CLYBL: variants seen among roughly 807,000 people sequenced by gnomAD.
CLYBL encodes the protein citramalyl-CoA lyase, mitochondrial.
A neutral mutation model predicts 38.9 loss-of-function variants in CLYBL; 31 were observed. That is an observed-to-expected ratio of 0.80 (90% CI 0.60 to 1.08). The LOEUF (loss-of-function observed/expected upper bound fraction) is 1.08. Among genes scored for constraint, CLYBL ranks in the 50% least tolerant of loss-of-function variants. The pLI is 0.00. For missense variants in CLYBL, 434 were observed against 411.6 expected, an observed-to-expected ratio of 1.05 and a Z score of -0.47; for synonymous variants, 171 against 158.6, an observed-to-expected ratio of 1.08 and a Z score of -0.59.
chr13:99,769,257 A>G (rs1304221254), intron 1 of CLYBL, among the ~76,000 whole-genome samples: 2 of 152,220 alleles, frequency 1.3e-5, no homozygotes, highest in Non-Finnish European at 2.9e-5. Flanking sequence ...GAAGTTGACC[A>G]AAATTAACTA....
chr13:99,610,920 C>T (rs1054389797), intron 1 of CLYBL, among the ~76,000 whole-genome samples: 1 of 152,154 alleles, frequency 6.6e-6, no homozygotes. Flanking sequence ...AAATGCCCTC[C>T]GGGAAAATAC....
intron 1 of CLYBL, among the ~76,000 whole-genome samples, chr13:99,661,452 G>T (rs1435655588): frequency 6.6e-6 from 1 of 152,106 alleles, no homozygotes; most frequent in Non-Finnish European, 1.5e-5. Flanking sequence ...ATTAACTGTT[G>T]TTATTCTGTC....
chr13:99,823,153 A>G lies in CLYBL; in HGVS notation c.250-35708A>G, dbSNP rs541418887. Among the ~76,000 whole-genome samples the G allele has an allele frequency of 8.9e-4, 136 of 152,316 alleles. 2 individuals carry two copies. The South Asian group carries it at 0.027, about 30-fold the overall frequency. ...CTTGAATTTATTTATTTCTTTAAAA[A>G]TGTTTCATTACTCAGGACTGTAGTT... On this transcript the variant is annotated intron_variant, in intron 2 of 8. Coordinates refer to ENST00000339105, the MANE Select transcript of CLYBL (RefSeq NM_206808.5).
At chr13:99,858,797 A>G (rs1211659664) in intron 2 of CLYBL, 64 bp from the exon 3 acceptor site, 4 of 1,158,906 alleles carry the variant, frequency 3.5e-6, no homozygotes, top group Non-Finnish European at 3.7e-6. Flanking sequence ...AGTTTCATCA[A>G]CCATTTGATG....
At chr13:99,828,778 C>T (rs2050747460) in intron 2 of CLYBL, among the ~76,000 whole-genome samples, 1 of 152,162 alleles carries the variant, frequency 6.6e-6, no homozygotes, top group South Asian at 2.1e-4. Context: ...CTTTTCATGT[C>T]ATCTTTTTTT....
intron 2 of CLYBL, among the ~76,000 whole-genome samples, chr13:99,799,363 T>C (rs2138930695): frequency 8.7e-6 from 1 of 115,320 alleles, no homozygotes; most frequent in South Asian, 2.8e-4. Flanking sequence ...GTATATTGCA[T>C]GATATACACA....
downstream of CLYBL, chr13:99,893,181 T>C (rs1482015955): frequency 6.6e-6 from 1 of 152,286 alleles, no homozygotes; most frequent in Non-Finnish European, 1.5e-5. Context: ...CCATCCTCAC[T>C]CAGAGGCCGG....
chr13:99,863,567 A>G (rs2051663880), intron 4 of CLYBL, among the ~76,000 whole-genome samples: 2 of 152,242 alleles, frequency 1.3e-5, no homozygotes, highest in Non-Finnish European at 1.5e-5. Flanking sequence ...GCACACAAAT[A>G]ATTTGCAGTA....
intron 1 of CLYBL, among the ~76,000 whole-genome samples, chr13:99,763,647 C>T (rs574214510): frequency 4.0e-5 from 6 of 151,320 alleles, no homozygotes; most frequent in African/African-American, 7.3e-5. Context: ...CTCCGCCTCC[C>T]GAGTTCAAGC....
chr13:99,803,178 G>C (rs1263784435), intron 2 of CLYBL, among the ~76,000 whole-genome samples: 1 of 152,238 alleles, frequency 6.6e-6, no homozygotes, highest in African/African-American at 2.4e-5. Context: ...CAGATGTGGA[G>C]TGGCCGGCTG....
At chr13:99,812,487 A>G (rs1309972213) in intron 2 of CLYBL, among the ~76,000 whole-genome samples, 1 of 152,242 alleles carries the variant, frequency 6.6e-6, no homozygotes, top group Non-Finnish European at 1.5e-5. Flanking sequence ...CTGGGCCAGT[A>G]TTAAATGCCC....
At chr13:99,681,176 A>G (rs2047729463) in intron 1 of CLYBL, among the ~76,000 whole-genome samples, 1 of 152,206 alleles carries the variant, frequency 6.6e-6, no homozygotes. Context: ...CGGAAAAATA[A>G]ATGGAGATAA....
intron 6 of CLYBL, among the ~76,000 whole-genome samples, chr13:99,868,319 G>C (rs1026752964): frequency 6.6e-6 from 1 of 152,080 alleles, no homozygotes; most frequent in Non-Finnish European, 1.5e-5. Flanking sequence ...TTTTTAATGA[G>C]TACTTTAGAC....
chr13:99,728,640 A>G (rs1413412252), intron 1 of CLYBL, among the ~76,000 whole-genome samples: 1 of 151,884 alleles, frequency 6.6e-6, no homozygotes, highest in Non-Finnish European at 1.5e-5. Context: ...CAGTGGTGCA[A>G]TCACGCCTCA....
At position 99,785,191 on chromosome 13, in the gene CLYBL, C is replaced by CTTTTTT. The variant is rs58550861; in HGVS notation, c.249+12210_249+12215dup. ...TACAGACTTGAGCCACCCCGCCTGG[C>CTTTTTT]TTTTTTTTTTTTTTTTTTTTTTTTT... On this transcript the variant is annotated intron_variant, in intron 2 of 8. Transcript: ENST00000339105. Among the ~76,000 whole-genome samples the CTTTTTT allele has an allele frequency of 1.5e-4, 5 of 34,206 alleles. 1 individual carries two copies. Among genetic ancestry groups the CTTTTTT allele is most frequent in the Non-Finnish European group, 2.3e-4 (5 of 21,592 alleles). 22.4% of individuals were successfully genotyped at this position (34,206 alleles called of 152,430 possible).
At chr13:99,797,489 C>G (rs1024740416) in intron 2 of CLYBL, among the ~76,000 whole-genome samples, 6 of 150,384 alleles carry the variant, frequency 4.0e-5, no homozygotes, top group Admixed American at 3.3e-4. Context: ...GTTGTTTGAT[C>G]TTATTCAAAT....
intron 2 of CLYBL, among the ~76,000 whole-genome samples, chr13:99,777,998 G>A (rs541042204): frequency 1.2e-4 from 19 of 152,194 alleles, no homozygotes; most frequent in East Asian, 5.8e-4. Flanking sequence ...CACGTTTTTC[G>A]TCTTTCTTGG....
chr13:99,707,840 G>T (rs1291813086), intron 1 of CLYBL, among the ~76,000 whole-genome samples: 1 of 152,144 alleles, frequency 6.6e-6, no homozygotes, highest in Non-Finnish European at 1.5e-5. Context: ...CATTAGGGTT[G>T]AGGCAAGCAC....
intron 7 of CLYBL, 93 bp downstream of exon 7, chr13:99,871,155 A>G (rs1195176023): frequency 7.1e-7 from 1 of 1,412,510 alleles, no homozygotes; most frequent in Non-Finnish European, 1.0e-6. Context: ...GTTTAAGAAA[A>G]CTCATCGTAT....
Sources: allele counts gnomAD v4.1 joint callset (sites outside exome capture counted in the v4.1 genomes callset), GRCh38; gene constraint gnomAD v4.1.1; transcripts MANE v1.5; gene names NCBI Gene and HGNC (gene_info 2026-07-23, HGNC 2026-07-21).